The following USP32 variants were observed in gnomAD, a reference collection of about 807,000 sequenced individuals.
USP32 encodes the protein ubiquitin specific peptidase 32.
In USP32, 59 loss-of-function variants were observed where a neutral mutation model predicts 204.8. That is an observed-to-expected ratio of 0.29 (90% CI 0.23 to 0.36). The LOEUF (loss-of-function observed/expected upper bound fraction) is 0.36. Ranked by LOEUF, USP32 falls within the 10% of genes least tolerant of loss-of-function variation. The pLI is 1.00. For missense variants in USP32, 1,160 were observed against 1,946.4 expected (o/e 0.60, Z 7.60); for synonymous variants, 517 against 678.4 (o/e 0.76, Z 3.70).
chr17:60,221,015 T>G (rs2085233097), intron 15 of USP32, among the ~76,000 whole-genome samples: 1 of 152,158 alleles, frequency 6.6e-6, no homozygotes, highest in Non-Finnish European at 1.5e-5. Context: ...CCAGGCTTTA[T>G]TTTCCTTTAC....
Position 60,210,993 on chromosome 17 carries a change from T to C in USP32, c.2424+20A>G, listed in dbSNP as rs1431426221. 5.1e-6 allele frequency: 8 copies of C among 1,580,702 alleles called. No individual in the cohort carries two copies. The highest frequency in any genetic ancestry group is 3.8e-5 in the Admixed American group (2 of 53,270). On this transcript the variant is annotated intron_variant, in intron 21 of 33. Coordinates refer to ENST00000300896, the MANE Select transcript of USP32 (RefSeq NM_032582.4). ...AACTATTAGGAATTAAATACTTTTATATTATTTTAACCTGCTTACCCGAAG... is the reference window on the plus strand; with the variant it reads ...AACTATTAGGAATTAAATACTTTTACATTATTTTAACCTGCTTACCCGAAG...
At chr17:60,307,454 T>C (rs938914256) in intron 2 of USP32, among the ~76,000 whole-genome samples, 1 of 152,142 alleles carries the variant, frequency 6.6e-6, no homozygotes. Context: ...ACAAATTCGA[T>C]GCAATCCCTA....
chr17:60,296,469 C>A (rs960475936), intron 3 of USP32, among the ~76,000 whole-genome samples: 1 of 152,144 alleles, frequency 6.6e-6, no homozygotes, highest in African/African-American at 2.4e-5. Context: ...GATTGTCAGT[C>A]ATCCTAGAAG....
chr17:60,270,351 A>C (rs1408638286), intron 6 of USP32, among the ~76,000 whole-genome samples: 1 of 152,232 alleles, frequency 6.6e-6, no homozygotes, highest in Non-Finnish European at 1.5e-5. Flanking sequence ...GTATATTCCC[A>C]GAATCTAACG....
chr17:60,200,887 T>A (rs2084659684), intron 26 of USP32, among the ~76,000 whole-genome samples: 1 of 152,218 alleles, frequency 6.6e-6, no homozygotes, highest in African/African-American at 2.4e-5. Context: ...TGAAACAGGG[T>A]CTAGCTCTGT....
chr17:60,233,412 A>T (rs1393039437), intron 12 of USP32, among the ~76,000 whole-genome samples: 1 of 152,132 alleles, frequency 6.6e-6, no homozygotes, highest in African/African-American at 2.4e-5. Flanking sequence ...GTGAGCTATG[A>T]TTGTGCCACT....
At chr17:60,409,881 G>T (rs2090005409) in intron 1 of USP32, among the ~76,000 whole-genome samples, 2 of 152,168 alleles carry the variant, frequency 1.3e-5, no homozygotes, top group Admixed American at 1.3e-4. Context: ...GAAAGTTTAT[G>T]AATTTGTGTT....
intron 6 of USP32, among the ~76,000 whole-genome samples, chr17:60,270,688 T>C (rs1384658691): frequency 6.6e-6 from 1 of 151,946 alleles, no homozygotes; most frequent in African/African-American, 2.4e-5. Flanking sequence ...CCGGGCATGG[T>C]GGCACATTCC....
intron 2 of USP32, among the ~76,000 whole-genome samples, chr17:60,303,070 A>G (rs2145895802): frequency 6.6e-6 from 1 of 152,316 alleles, no homozygotes; most frequent in African/African-American, 2.4e-5. Context: ...AACACCTGAC[A>G]ACTGATGTCA....
In USP32 at chr17:60,217,561, C is replaced by G. The variant is rs1242703145; in HGVS notation, c.1867+2109G>C. Among the ~76,000 whole-genome samples the G allele has an allele frequency of 8.3e-4, 126 of 152,034 alleles. 2 individuals are homozygous for G. Among genetic ancestry groups the G allele is most frequent in the Admixed American group, 8.2e-3 (125 of 15,272 alleles). ...TCAGCAGCCTCGGCCTCCCAAAGTGCTGGGATTACAGGCATGAGTCACTGC... is the reference window on the plus strand; with the variant it reads ...TCAGCAGCCTCGGCCTCCCAAAGTGGTGGGATTACAGGCATGAGTCACTGC... On this transcript the variant is annotated intron_variant, in intron 16 of 33. Transcript: ENST00000300896.
At chr17:60,422,293 C>G (rs2090129533) in exon 1 of USP32, 2 of 468,022 alleles carry the variant, frequency 4.3e-6, no homozygotes, top group South Asian at 4.2e-5. Context: ...GGAGAAGGGG[C>G]GCCAGCCTCT....
intron 6 of USP32, among the ~76,000 whole-genome samples, chr17:60,270,759 G>A (rs1293539097): frequency 6.6e-6 from 1 of 150,506 alleles, no homozygotes; most frequent in Non-Finnish European, 1.5e-5. Flanking sequence ...GGAGGCAGAG[G>A]TTGCAGTGAG....
At chr17:60,402,589 C>T (rs941757859) in intron 1 of USP32, among the ~76,000 whole-genome samples, 2 of 152,182 alleles carry the variant, frequency 1.3e-5, no homozygotes, top group East Asian at 3.8e-4. Context: ...AATTAGTAAT[C>T]AGAATCACGT....
intron 28 of USP32, 29 bp downstream of exon 28, chr17:60,192,815 T>A (rs755182464): frequency 4.3e-6 from 7 of 1,609,446 alleles, no homozygotes; most frequent in Non-Finnish European, 6.0e-6. Context: ...GAAATTCTAC[T>A]AAAGTAATTC....
upstream of USP32, among the ~76,000 whole-genome samples, chr17:60,396,608 T>G (rs56968846): frequency 0.023 from 3,430 of 151,976 alleles, 132 homozygotes; most frequent in African/African-American, 0.077. Flanking sequence ...AAGACAAGAG[T>G]ATTGTTGAGG....
intron 2 of USP32, among the ~76,000 whole-genome samples, chr17:60,310,848 C>T (rs1047820624): frequency 1.3e-5 from 2 of 152,158 alleles, no homozygotes; most frequent in African/African-American, 4.8e-5. Context: ...CCAACCTGGG[C>T]AACATGGTGA....
chr17:60,296,510 G>C (rs1447612948), intron 3 of USP32, among the ~76,000 whole-genome samples: 1 of 152,160 alleles, frequency 6.6e-6, no homozygotes, highest in Non-Finnish European at 1.5e-5. Context: ...TCCCCTACAG[G>C]TTTCAGAGAA....
rs80019625 is a variant in USP32, at chr17:60,289,489, T to A, written c.412-807A>T. On this transcript the variant is annotated intron_variant, in intron 4 of 33. Transcript: ENST00000300896. ...TCCAGGTGTCCTCCTAGAGTAGACA[T>A]TCAGGATCCCAGAAGGCATCACTGA... Among the ~76,000 whole-genome samples the A allele has an allele frequency of 1.3e-3, 204 of 152,360 alleles. 1 individual carries two copies. The highest frequency in any genetic ancestry group is 4.5e-3 in the African/African-American group (188 of 41,590).
At chr17:60,196,526 T>C (rs1298254734) in intron 27 of USP32, among the ~76,000 whole-genome samples, 1 of 152,212 alleles carries the variant, frequency 6.6e-6, no homozygotes, top group Non-Finnish European at 1.5e-5. Flanking sequence ...CAATTATTTA[T>C]TTAAATAACT....
Sources: allele counts gnomAD v4.1 joint callset (sites outside exome capture counted in the v4.1 genomes callset), GRCh38; gene constraint gnomAD v4.1.1; transcripts MANE v1.5; gene names NCBI Gene and HGNC (gene_info 2026-07-23, HGNC 2026-07-21).